TESK2: variants seen among roughly 807,000 people sequenced by gnomAD.
The protein encoded by TESK2 is testis associated actin remodelling kinase 2.
In TESK2, 39 loss-of-function variants were observed where a neutral mutation model predicts 57.1. That is an observed-to-expected ratio of 0.68 (90% CI 0.53 to 0.89). The LOEUF (loss-of-function observed/expected upper bound fraction) is 0.89. Ranked by LOEUF, TESK2 falls within the 40% of genes least tolerant of loss-of-function variation. The probability of loss-of-function intolerance (pLI) is 0.00; values close to 1 mark genes in which losing one functional copy is unlikely to be tolerated. For synonymous variants in TESK2, 249 were observed against 267.9 expected (o/e 0.93, Z 0.69); for missense variants, 646 against 732.1 (o/e 0.88, Z 1.36).
intron 2 of TESK2, among the ~76,000 whole-genome samples, chr1:45,424,094 C>T (rs535199523): frequency 6.6e-6 from 1 of 152,290 alleles, no homozygotes; most frequent in African/African-American, 2.4e-5. Context: ...AAAATGTCAT[C>T]ATCCTACGGA....
Position 45,448,237 on chromosome 1 carries a change from C to CAA in TESK2, c.222+9325_222+9326dup, listed in dbSNP as rs762537140. Among the ~76,000 whole-genome samples, 428 of 84,006 alleles carry CAA rather than the reference C, an allele frequency of 5.1e-3. 9 individuals carry two copies. Among genetic ancestry groups the CAA allele is most frequent in the East Asian group, 0.037 (104 of 2,776 alleles). The allele number at this position is 84,006 out of a possible 152,430, so 55.1% of individuals were successfully genotyped here. On this transcript the variant is annotated intron_variant, in intron 2 of 10. Transcript: ENST00000372086. Reference sequence around the variant, plus strand: ...TGGGAGACAGAGTGAGACCCTGTCTCAAAAAAAAAAAAAAAAAAGAAAAAA... The same window carrying CAA: ...TGGGAGACAGAGTGAGACCCTGTCTCAAAAAAAAAAAAAAAAAAAAGAAAAAA...
intron 1 of TESK2, among the ~76,000 whole-genome samples, chr1:45,458,158 A>C (rs1652182226): frequency 6.6e-6 from 1 of 152,250 alleles, no homozygotes; most frequent in Non-Finnish European, 1.5e-5. Context: ...TCTAGGAAAC[A>C]TAGTATAAGA....
At chr1:45,453,961 A>G (rs1651973223) in intron 2 of TESK2, among the ~76,000 whole-genome samples, 1 of 152,226 alleles carries the variant, frequency 6.6e-6, no homozygotes, top group Admixed American at 6.5e-5. Flanking sequence ...AATCAAAACC[A>G]CAATGAGATA....
chr1:45,413,226 C>T (rs569722643), intron 3 of TESK2, among the ~76,000 whole-genome samples: 1 of 152,176 alleles, frequency 6.6e-6, no homozygotes, highest in East Asian at 1.9e-4. Flanking sequence ...GATAAAATAA[C>T]CAATCTTCAC....
chr1:45,463,232 A>G (rs550049417), intron 1 of TESK2, among the ~76,000 whole-genome samples: 2 of 152,146 alleles, frequency 1.3e-5, no homozygotes, highest in Admixed American at 1.3e-4. Flanking sequence ...AAGCTTTTTA[A>G]CTTCATGTGA....
rs578177199 is a variant in TESK2, at chr1:45,402,296, C to G, written c.345-16336G>C. Among the ~76,000 whole-genome samples, 8 of 150,524 alleles carry G rather than the reference C, an allele frequency of 5.3e-5. No individual in the cohort carries two copies. In the South Asian group the frequency reaches 1.5e-3, roughly 28 times the overall value. ...GTAGTCCCAGCTACTCAGAAGACAG[C>G]CAGGAGGATCACTTGAGGTCAGAAG... On this transcript the variant is annotated intron_variant, in intron 3 of 10. Transcript: ENST00000372086.
At chr1:45,404,220 A>T (rs556775246) in intron 3 of TESK2, among the ~76,000 whole-genome samples, 1 of 152,332 alleles carries the variant, frequency 6.6e-6, no homozygotes, top group East Asian at 1.9e-4. Context: ...AAATGTATGG[A>T]GGAAAGAAAA....
At chr1:45,466,243 G>A (rs776983422) in intron 1 of TESK2, among the ~76,000 whole-genome samples, 6 of 152,060 alleles carry the variant, frequency 3.9e-5, no homozygotes, top group Non-Finnish European at 8.8e-5. Context: ...TTGGGAGGCC[G>A]AGGCAGGCAG....
intron 4 of TESK2, among the ~76,000 whole-genome samples, chr1:45,360,859 T>A (rs1647651438): frequency 6.6e-6 from 1 of 152,170 alleles, no homozygotes; most frequent in Non-Finnish European, 1.5e-5. Context: ...ACTCTGTCCC[T>A]CAGGCTGGAG....
chr1:45,432,510 T>C (rs936421019), intron 2 of TESK2, among the ~76,000 whole-genome samples: 3 of 150,994 alleles, frequency 2.0e-5, no homozygotes, highest in Non-Finnish European at 4.4e-5. Flanking sequence ...GCTAACACGG[T>C]GAAACCCCAT....
intron 3 of TESK2, among the ~76,000 whole-genome samples, chr1:45,409,284 C>A (rs1020753060): frequency 5.3e-5 from 8 of 152,236 alleles, no homozygotes; most frequent in African/African-American, 1.9e-4. Context: ...AAAAAGATTT[C>A]TTTGAAGAGG....
chr1:45,427,033 G>A (rs1011419252), intron 2 of TESK2, among the ~76,000 whole-genome samples: 7 of 151,934 alleles, frequency 4.6e-5, no homozygotes, highest in African/African-American at 7.3e-5. Context: ...ACCTGAGGTC[G>A]GGAGTTGGAG....
intron 2 of TESK2, among the ~76,000 whole-genome samples, chr1:45,432,758 CTT>C (rs1300292630): frequency 0.14 from 12,119 of 86,814 alleles, 382 homozygotes; most frequent in Non-Finnish European, 0.16. Flanking sequence ...AATATTATAA[CTT>C]TTTTTTTTTT....
At chr1:45,430,839 G>A (rs1320235179) in intron 2 of TESK2, among the ~76,000 whole-genome samples, 1 of 152,082 alleles carries the variant, frequency 6.6e-6, no homozygotes, top group Non-Finnish European at 1.5e-5. Flanking sequence ...ACTAATATAT[G>A]GACGGACAGA....
At chr1:45,401,668 G>T (rs1649600250) in intron 3 of TESK2, among the ~76,000 whole-genome samples, 1 of 152,032 alleles carries the variant, frequency 6.6e-6, no homozygotes, top group Non-Finnish European at 1.5e-5. Context: ...GTATTTAAAT[G>T]ACTTGACAAA....
At chr1:45,426,578 A>G (rs1272507584) in intron 2 of TESK2, among the ~76,000 whole-genome samples, 1 of 152,240 alleles carries the variant, frequency 6.6e-6, no homozygotes, top group Non-Finnish European at 1.5e-5. Flanking sequence ...AGCACAGGCA[A>G]CTAAAGCAAA....
At chr1:45,429,101 G>A (rs1444775134) in intron 2 of TESK2, among the ~76,000 whole-genome samples, 6 of 152,044 alleles carry the variant, frequency 3.9e-5, no homozygotes, top group African/African-American at 7.2e-5. Flanking sequence ...GATTACAGGC[G>A]TGAGCCACCG....
intron 1 of TESK2, among the ~76,000 whole-genome samples, chr1:45,483,819 G>A (rs1453302805): frequency 6.7e-6 from 1 of 150,118 alleles, no homozygotes; most frequent in Non-Finnish European, 1.5e-5. Flanking sequence ...GCAACATAGG[G>A]AGGCCCTGTC....
In TESK2 at chr1:45,384,610, T is replaced by TTTA. The variant is rs1557551567; in HGVS notation, c.393+1301_393+1302insTAA. ...AATTATTAATTTTTTTTTTTTTTTTTTTTTTTTTTTTTTTTTGTAGAGACA... is the reference window on the plus strand; with the variant it reads ...AATTATTAATTTTTTTTTTTTTTTTTTTATTTTTTTTTTTTTTTTGTAGAGACA... On this transcript the variant is annotated intron_variant, in intron 4 of 10. Coordinates refer to ENST00000372086, the MANE Select transcript of TESK2 (RefSeq NM_007170.3). Among the ~76,000 whole-genome samples the TTTA allele has an allele frequency of 1.1e-3, 130 of 123,644 alleles. 2 individuals are homozygous for TTTA. In the South Asian group the frequency reaches 0.016, roughly 15 times the overall value. The allele number at this position is 123,644 out of a possible 152,430, so 81.1% of individuals were successfully genotyped here. A position where few individuals can be genotyped will look rare whatever the true frequency, so the allele number is the denominator to read the frequency against.
Sources: gnomAD v4.1 joint callset for allele counts (sites outside exome capture counted in the v4.1 genomes callset) on GRCh38, gnomAD v4.1.1 for gene constraint, MANE v1.5 for transcripts, NCBI Gene and HGNC (gene_info 2026-07-23, HGNC 2026-07-21) for gene names.